Variants in PALS2 observed in about 807,000 individuals in gnomAD.
PALS2 encodes protein associated with LIN7 2, MAGUK p55 family member.
A neutral mutation model predicts 61.6 loss-of-function variants in PALS2; 27 were observed. The observed-to-expected ratio is 0.44, with a 90% CI of 0.32 to 0.60. PALS2 has a LOEUF of 0.60. Among genes scored for constraint, PALS2 ranks in the 20% least tolerant of loss-of-function variants. The pLI is 0.05. For missense variants in PALS2, 554 were observed against 639.4 expected (o/e 0.87, Z 1.44); for synonymous variants, 236 against 218.6 (o/e 1.08, Z -0.70).
At position 24,679,243 on chromosome 7, in the gene PALS2, A is replaced by G. The variant is rs771214168; in HGVS notation, c.1227A>G (p.Glu409=). ...CTGGAAAGTATTTGGAACATGGGGA[A>G]TATGAAGGAAATCTCTATGGAACCA... is the stretch of plus-strand genomic sequence containing the variant. The part of the protein sequence containing the change: ...IKAGKYLEHG[E]YEGNLYGTKI... Residue 409 remains glutamate, a synonymous_variant, in exon 10 of 12, where the codon GAA becomes GAG. Coordinates refer to ENST00000222644, the MANE Select transcript of PALS2 (RefSeq NM_001303037.2). 5 of 1,614,036 alleles carry G rather than the reference A, an allele frequency of 3.1e-6. No individual in the cohort carries two copies. Among genetic ancestry groups the G allele is most frequent in the Non-Finnish European group, 4.2e-6 (5 of 1,179,890 alleles).
chr7:24,627,607 G>A (rs1262851907), intron 2 of PALS2, among the ~76,000 whole-genome samples: 2 of 152,034 alleles, frequency 1.3e-5, no homozygotes, highest in Admixed American at 6.6e-5. Flanking sequence ...TAGCAAAATA[G>A]ATAGACCGCT....
chr7:24,681,423 C>T (rs1011838583), intron 11 of PALS2, among the ~76,000 whole-genome samples: 1 of 151,668 alleles, frequency 6.6e-6, no homozygotes, highest in Non-Finnish European at 1.5e-5. Context: ...GTATTTATAT[C>T]TAAGAGATAA....
chr7:24,672,393 A>G (rs1162803792), intron 9 of PALS2, among the ~76,000 whole-genome samples: 1 of 151,300 alleles, frequency 6.6e-6, no homozygotes, highest in Admixed American at 6.6e-5. Flanking sequence ...CTGCCTGGCT[A>G]ATTTTTTTTG....
At chr7:24,583,922 T>TG (rs1356677342) in intron 1 of PALS2, among the ~76,000 whole-genome samples, 4 of 151,744 alleles carry the variant, frequency 2.6e-5, no homozygotes, top group African/African-American at 9.7e-5. Flanking sequence ...TTTGGTTTTT[T>TG]GTTCTCACGA....
At chr7:24,686,264 A>G (rs931385617) in intron 11 of PALS2, among the ~76,000 whole-genome samples, 5 of 151,816 alleles carry the variant, frequency 3.3e-5, no homozygotes, top group Non-Finnish European at 7.4e-5. Context: ...AACCTAGGCA[A>G]CCCTTCTCTC....
intron 9 of PALS2, among the ~76,000 whole-genome samples, chr7:24,673,206 T>C (rs1408818828): frequency 6.6e-6 from 1 of 152,224 alleles, no homozygotes; most frequent in Non-Finnish European, 1.5e-5. Flanking sequence ...ATTGCATTCA[T>C]TGATTTTTAT....
In PALS2 at chr7:24,687,703, G is replaced by A; in HGVS notation, c.*89G>A. Reference sequence around the variant, plus strand: ...CTACTGAGAAAATACATCACAGATAGAAGATTATCTGCTAAGTCCAGGCAT... The same window carrying A: ...CTACTGAGAAAATACATCACAGATAAAAGATTATCTGCTAAGTCCAGGCAT... On this transcript the variant is annotated 3_prime_UTR_variant, in exon 12 of 12. Transcript: ENST00000222644. This position sits in a 1 kb window ranked among gnomAD's most constrained non-coding sequence, Gnocchi z 4.5. The A allele has an allele frequency of 1.5e-6, 2 of 1,290,724 alleles. No individual in the cohort carries two copies. Among genetic ancestry groups the A allele is most frequent in the Non-Finnish European group, 2.1e-6 (2 of 950,058 alleles). 80.0% of individuals were successfully genotyped at this position (1,290,724 alleles called of 1,614,324 possible).
At chr7:24,591,115 A>G (rs1421217768) in intron 1 of PALS2, among the ~76,000 whole-genome samples, 1 of 151,956 alleles carries the variant, frequency 6.6e-6, no homozygotes, top group African/African-American at 2.4e-5. Context: ...GTGGGACCTC[A>G]GGAGGGAGGG....
At position 24,668,659 on chromosome 7, in the gene PALS2, A is replaced by T. The variant is rs747265476; in HGVS notation, c.1113A>T (p.Pro371=). 3.7e-6 allele frequency: 6 copies of T among 1,613,552 alleles called. No homozygotes were observed. Among genetic ancestry groups the T allele is most frequent in the Non-Finnish European group, 5.1e-6 (6 of 1,179,834 alleles). The change falls in exon 9 of 12, where the codon CCA becomes CCT. Residue 371 remains proline, a splice_region_variant and synonymous_variant. Coordinates refer to ENST00000222644, the MANE Select transcript of PALS2 (RefSeq NM_001303037.2). The stretch of plus-strand genomic sequence containing the variant: ...CCACTAGATTTGGAACTACGGTGCC[A>T]TGTAAGTTTTCTGTGTTTTCCTTGC... ...LNPTRFGTTV[P]FTSRKPREDE... is the part of the protein sequence containing the mutation.
chr7:24,587,352 A>T (rs1783107644), intron 1 of PALS2, among the ~76,000 whole-genome samples: 1 of 151,988 alleles, frequency 6.6e-6, no homozygotes, highest in Non-Finnish European at 1.5e-5. Context: ...GAAAATAAAG[A>T]TACTAATAGT....
At position 24,618,412 on chromosome 7, in the gene PALS2, A is replaced by C. The variant is rs1784371249; in HGVS notation, c.-2-5254A>C. ...GTGTGGACTTAGTGGAATGAAAACA[A>C]CTCCTAGGCTGGAAAAGTGCAGGGT... is the stretch of plus-strand genomic sequence containing the variant. On this transcript the variant is annotated intron_variant, in intron 1 of 11. Transcript: ENST00000222644. This position sits in a 1 kb window ranked among gnomAD's most constrained non-coding sequence, Gnocchi z 5.1. 6.6e-6 allele frequency among the ~76,000 whole-genome samples: 1 copy of C among 152,078 alleles called. No homozygotes were observed. The highest frequency in any genetic ancestry group is 1.5e-5 in the Non-Finnish European group (1 of 68,020).
intron 9 of PALS2, among the ~76,000 whole-genome samples, chr7:24,673,996 G>T (rs1204758545): frequency 2.0e-5 from 3 of 151,608 alleles, no homozygotes; most frequent in Non-Finnish European, 4.4e-5. Flanking sequence ...TTTTGAGTGG[G>T]TTTTTTATAT....
chr7:24,654,376 A>G (rs1786310647), intron 5 of PALS2, among the ~76,000 whole-genome samples: 1 of 152,190 alleles, frequency 6.6e-6, no homozygotes, highest in South Asian at 2.1e-4. Flanking sequence ...GTTTTTGCAT[A>G]GAAACCCCTC....
intron 9 of PALS2, among the ~76,000 whole-genome samples, chr7:24,672,995 G>A (rs761548001): frequency 2.6e-5 from 4 of 152,116 alleles, no homozygotes; most frequent in Non-Finnish European, 5.9e-5. Flanking sequence ...ATGATCTTAA[G>A]GAGAAAGGAG....
intron 3 of PALS2, among the ~76,000 whole-genome samples, chr7:24,644,970 C>A (rs546373090): frequency 2.3e-4 from 33 of 144,730 alleles, no homozygotes; most frequent in African/African-American, 9.0e-4. Flanking sequence ...TGTTCATGTT[C>A]TTTGCCCACT....
intron 1 of PALS2, among the ~76,000 whole-genome samples, chr7:24,619,455 C>T (rs1370472512): frequency 1.3e-5 from 2 of 151,990 alleles, no homozygotes; most frequent in Non-Finnish European, 2.9e-5. Context: ...CGGTAGCTCA[C>T]GCCTGTAATC....
chr7:24,617,958 C>G (rs1447157934), intron 1 of PALS2, among the ~76,000 whole-genome samples: 1 of 152,128 alleles, frequency 6.6e-6, no homozygotes, highest in Non-Finnish European at 1.5e-5. Flanking sequence ...CAGAGGAGAA[C>G]CTACTAGTCT....
intron 3 of PALS2, among the ~76,000 whole-genome samples, chr7:24,643,793 G>T (rs1007251241): frequency 5.9e-5 from 9 of 152,220 alleles, no homozygotes; most frequent in Admixed American, 2.0e-4. Flanking sequence ...CCTATAAACA[G>T]AAGTTCTATC....
intron 11 of PALS2, among the ~76,000 whole-genome samples, chr7:24,681,476 C>T (rs1435702241): frequency 5.3e-5 from 8 of 151,352 alleles, no homozygotes; most frequent in African/African-American, 1.9e-4. Context: ...AATTAATAAG[C>T]AGTATCTTAC....
Sources: gnomAD v4.1 joint callset for allele counts (sites outside exome capture counted in the v4.1 genomes callset) on GRCh38, gnomAD v4.1.1 for gene constraint, Gnocchi (gnomAD v3.1) non-coding constraint, MANE v1.5 for transcripts, NCBI Gene and HGNC (gene_info 2026-07-23, HGNC 2026-07-21) for gene names.